The following TGM3 variants were observed in gnomAD, a reference collection of about 807,000 sequenced individuals.
TGM3 encodes the protein transglutaminase 3, also known as protein-glutamine gamma-glutamyltransferase E.
TGM3 carries 52 observed loss-of-function variants against 73.8 expected under a neutral mutation model. That is an observed-to-expected ratio of 0.70 (90% confidence interval 0.56 to 0.89). The LOEUF is 0.89. Ranked by LOEUF, TGM3 falls within the 40% of genes least tolerant of loss-of-function variation. The pLI, the probability that TGM3 is intolerant of heterozygous loss-of-function variation, is 0.00. For missense variants in TGM3, 928 were observed against 909.9 expected (o/e 1.02, Z -0.26); for synonymous variants, 372 against 354.9 (o/e 1.05, Z -0.54).
At position 2,334,228 on chromosome 20, in the gene TGM3, G is replaced by C. The variant is rs1444298105; in HGVS notation, c.1643-888G>C. Among the ~76,000 whole-genome samples, 3 of 152,184 alleles carry C rather than the reference G, an allele frequency of 2.0e-5. No homozygotes were observed. The highest frequency in any genetic ancestry group is 4.4e-5 in the Non-Finnish European group (3 of 68,026). Reference sequence around the variant, plus strand: ...GTGAGTCAAAATATGGGGGCGAAAAGGTGCCTGTTTTGTCTGCAGAACAAG... The same window carrying C: ...GTGAGTCAAAATATGGGGGCGAAAACGTGCCTGTTTTGTCTGCAGAACAAG... On this transcript the variant is annotated intron_variant, in intron 10 of 12. Transcript: ENST00000381458. The surrounding 1 kb of genome is among the most constrained non-coding windows in gnomAD (Gnocchi z 4.0).
At position 2,319,123 on chromosome 20, in the gene TGM3, T is replaced by C. The variant is rs6075919; in HGVS notation, c.983+1638T>C. Among the ~76,000 whole-genome samples the C allele has an allele frequency of 3.8e-3, 580 of 152,368 alleles. 3 individuals carry two copies. The highest frequency in any genetic ancestry group is 6.7e-3 in the Non-Finnish European group (456 of 68,032). ...TCATGAATGAGTGTCTTCTTTTCCC[T>C]GGGCTTTTCTTTGTTCTTGTGTCCA... On this transcript the variant is annotated intron_variant, in intron 7 of 12. Transcript: ENST00000381458.
At position 2,328,511 on chromosome 20, in the gene TGM3, A is replaced by C; in HGVS notation, c.1333+146A>C. 1.7e-6 allele frequency: 2 copies of C among 1,185,956 alleles called. No individual in the cohort carries two copies. Among genetic ancestry groups the C allele is most frequent in the Non-Finnish European group, 2.3e-6 (2 of 851,642 alleles). The allele number at this position is 1,185,956 out of a possible 1,614,324, so 73.5% of individuals were successfully genotyped here. A position where few individuals can be genotyped will look rare whatever the true frequency, so the allele number is the denominator to read the frequency against. On this transcript the variant is annotated intron_variant, in intron 9 of 12. Transcript: ENST00000381458. The surrounding 1 kb of genome is among the most constrained non-coding windows in gnomAD (Gnocchi z 5.2). The stretch of plus-strand genomic sequence containing the variant: ...ATAGGATTGCTCCCTAGCACCTAAC[A>C]TCCACCTCCCAGGACTGTTTCCGGA...
chr20:2,333,144 G>A (rs1196926087), intron 10 of TGM3, among the ~76,000 whole-genome samples: 1 of 152,144 alleles, frequency 6.6e-6, no homozygotes, highest in East Asian at 1.9e-4. Context: ...GGATTAACAG[G>A]GCAGGGTGGT....
intron 1 of TGM3, 141 bp downstream of exon 1, chr20:2,296,211 C>A: frequency 9.7e-7 from 1 of 1,033,600 alleles, no homozygotes; most frequent in Non-Finnish European, 1.4e-6. Context: ...TTTTAGGGTG[C>A]TAGCCAGAGG....
At chr20:2,329,517 C>T (rs991715386) in intron 9 of TGM3, among the ~76,000 whole-genome samples, 1 of 152,168 alleles carries the variant, frequency 6.6e-6, no homozygotes, top group Admixed American at 6.5e-5. Context: ...TTCTGAGCCC[C>T]ATACTGAGTG....
chr20:2,315,587 A>T (rs1376694650), intron 5 of TGM3, among the ~76,000 whole-genome samples: 1 of 152,170 alleles, frequency 6.6e-6, no homozygotes, highest in South Asian at 2.1e-4. Flanking sequence ...ACTTACAGGC[A>T]CTCCAAGGAG....
At chr20:2,300,248 G>GA (rs1372392034) in intron 1 of TGM3, among the ~76,000 whole-genome samples, 1 of 151,318 alleles carries the variant, frequency 6.6e-6, no homozygotes, top group Non-Finnish European at 1.5e-5. Flanking sequence ...AAGAAAGAAA[G>GA]AAAGAAAAGA....
chr20:2,298,296 C>A (rs1046153659), intron 1 of TGM3, among the ~76,000 whole-genome samples: 1 of 152,162 alleles, frequency 6.6e-6, no homozygotes, highest in Non-Finnish European at 1.5e-5. Flanking sequence ...CAGTGATCCG[C>A]ACCAAGTGGC....
Position 2,328,907 on chromosome 20 carries a change from C to G in TGM3, c.1333+542C>G, listed in dbSNP as rs753119421. Among the ~76,000 whole-genome samples, 11 of 152,232 alleles carry G rather than the reference C, an allele frequency of 7.2e-5. No homozygotes were observed. The highest frequency in any genetic ancestry group is 3.3e-4 in the Admixed American group (5 of 15,284). ...ATGCCTGAGCTCCTGAAATCTCAGG[C>G]ATGCTACATTGCTCGTCCCCCTGAA... is the stretch of plus-strand genomic sequence containing the variant. On this transcript the variant is annotated intron_variant, in intron 9 of 12. Coordinates refer to ENST00000381458, the MANE Select transcript of TGM3 (RefSeq NM_003245.4). This position sits in a 1 kb window ranked among gnomAD's most constrained non-coding sequence, Gnocchi z 5.2.
chr20:2,306,902 A>T (rs934426585), intron 1 of TGM3, among the ~76,000 whole-genome samples: 1 of 152,116 alleles, frequency 6.6e-6, no homozygotes, highest in Non-Finnish European at 1.5e-5. Flanking sequence ...CCCTAGAGAG[A>T]TCTGGCATCT....
rs1308609929 is a variant in TGM3 at position 2,332,818 on chromosome 20, C to A, written c.1642+508C>A. ...GTATTGTTCTTACCCACCTCACCCC[C>A]ACTCCCACAACAAATCGCTTTTCAA... On this transcript the variant is annotated intron_variant, in intron 10 of 12. Transcript: ENST00000381458. The surrounding 1 kb of genome is among the most constrained non-coding windows in gnomAD (Gnocchi z 4.4). Among the ~76,000 whole-genome samples the A allele has an allele frequency of 6.6e-6, 1 of 152,202 alleles. No homozygotes were observed. Among genetic ancestry groups the A allele is most frequent in the Admixed American group, 6.5e-5 (1 of 15,280 alleles).
At chr20:2,320,832 G>T (rs1053972802) in intron 7 of TGM3, among the ~76,000 whole-genome samples, 2 of 152,206 alleles carry the variant, frequency 1.3e-5, no homozygotes, top group Admixed American at 6.5e-5. Flanking sequence ...TTTAGCCAAA[G>T]TTATCTTGAC....
chr20:2,311,411 A>G (rs945733744), intron 4 of TGM3, among the ~76,000 whole-genome samples: 4 of 152,224 alleles, frequency 2.6e-5, no homozygotes, highest in Non-Finnish European at 4.4e-5. Context: ...ATGAAGTAGT[A>G]TTGGTGCCAG....
chr20:2,340,110 C>G, intron 12 of TGM3, 123 bp downstream of exon 12: 1 of 1,232,310 alleles, frequency 8.1e-7, no homozygotes, highest in Non-Finnish European at 1.1e-6. Context: ...TTTTGGGGGT[C>G]TTGGAACTCT....
chr20:2,313,651 A>ACTCTCT (rs111654089), intron 5 of TGM3, among the ~76,000 whole-genome samples: 13 of 150,102 alleles, frequency 8.7e-5, no homozygotes, highest in Admixed American at 8.6e-4. Flanking sequence ...AATCACACAC[A>ACTCTCT]CTCTCTCTCT....
At chr20:2,315,895 T>A (rs754902286) in intron 5 of TGM3, among the ~76,000 whole-genome samples, 29 of 152,186 alleles carry the variant, frequency 1.9e-4, no homozygotes, top group Non-Finnish European at 8.8e-5. Flanking sequence ...TATGGAAAAG[T>A]TCAGACCTAC....
chr20:2,339,328 A>G (rs2084367766), intron 11 of TGM3, among the ~76,000 whole-genome samples: 1 of 152,222 alleles, frequency 6.6e-6, no homozygotes, highest in South Asian at 2.1e-4. Context: ...AGGAAAGCCA[A>G]GGAAAGTAAT....
intron 3 of TGM3, 94 bp downstream of exon 3, chr20:2,310,511 T>C: frequency 6.5e-7 from 1 of 1,546,486 alleles, no homozygotes; most frequent in South Asian, 1.2e-5. Context: ...CAAGTTTGAT[T>C]AGGGAAAGTC....
rs1402807807 is a variant in TGM3 at position 2,335,224 on chromosome 20, T to A, written c.1751T>A (p.Val584Glu). The change falls in exon 11 of 13, where the codon GTG (valine) becomes GAG (glutamate). Residue 584 changes from valine to glutamate, a missense_variant. Transcript: ENST00000381458. ...AVCKVPDESEVVVERDIILDN... is the reference protein window; with the variant it reads ...AVCKVPDESEEVVERDIILDN... The stretch of plus-strand genomic sequence containing the variant: ...TGCAAGGTCCCAGATGAGTCTGAGG[T>A]GGTGGTGGAGCGGGACATCATCCTG... 1.9e-6 allele frequency: 3 copies of A among 1,613,950 alleles called. No individual in the cohort carries two copies. In the East Asian group the frequency reaches 6.7e-5, roughly 36 times the overall value.
Sources: allele counts gnomAD v4.1 joint callset (sites outside exome capture counted in the v4.1 genomes callset), GRCh38; gene constraint gnomAD v4.1.1; non-coding constraint Gnocchi (gnomAD v3.1); transcripts MANE v1.5; gene names NCBI Gene and HGNC (gene_info 2026-07-23, HGNC 2026-07-21).